Variants in ZNF800 observed in about 807,000 individuals in gnomAD.
ZNF800 encodes the protein zinc finger protein 800.
A neutral mutation model predicts 59.5 loss-of-function variants in ZNF800; 13 were observed. The observed-to-expected ratio is 0.22, with a 90% CI of 0.14 to 0.35. The LOEUF is 0.35. Among genes scored for constraint, ZNF800 ranks in the 10% least tolerant of loss-of-function variants. ZNF800 has a pLI of 1.00. For missense variants in ZNF800, 621 were observed against 783.7 expected (o/e 0.79, Z 2.48); for synonymous variants, 266 against 265.7 (o/e 1.00, Z -0.01).
intron 2 of ZNF800, among the ~76,000 whole-genome samples, chr7:127,390,833 ATTC>A (rs1394095998): frequency 6.6e-6 from 1 of 152,228 alleles, no homozygotes; most frequent in East Asian, 1.9e-4. Flanking sequence ...GTTTGCTAGT[ATTC>A]TTCATGAGAC....
At chr7:127,353,831 G>C (rs1800217391) in intron 1 of ZNF800, among the ~76,000 whole-genome samples, 1 of 97,622 alleles carries the variant, frequency 1.0e-5, no homozygotes, top group African/African-American at 3.9e-5. Context: ...TAATTGCACT[G>C]ATAGATAAGC....
intron 1 of ZNF800, 39 bp downstream of exon 1, chr7:127,392,021 C>A: frequency 2.6e-6 from 1 of 387,100 alleles, no homozygotes; most frequent in Non-Finnish European, 4.6e-6. Flanking sequence ...GTCTCCCTGG[C>A]GGAGACCCCG....
Position 127,391,489 on chromosome 7 carries a change from G to A in ZNF800, c.61+8C>T, listed in dbSNP as rs573405557. The A allele has an allele frequency of 5.4e-5, 87 of 1,614,044 alleles. 1 individual carries two copies. In the South Asian group the frequency reaches 9.2e-4, roughly 17 times the overall value. Reference sequence around the variant, plus strand: ...GGGCAAAGCAACTGCGGACGAAGAGGGGTCTACCTGGTTCACAGCATCCGT... The same window carrying A: ...GGGCAAAGCAACTGCGGACGAAGAGAGGTCTACCTGGTTCACAGCATCCGT... On this transcript the variant is annotated splice_region_variant and intron_variant, in intron 2 of 5. Coordinates refer to ENST00000265827, the MANE Select transcript of ZNF800 (RefSeq NM_176814.5).
At chr7:127,342,889 T>C (rs1799992585), downstream of ZNF800, among the ~76,000 whole-genome samples, 1 of 152,170 alleles carries the variant, frequency 6.6e-6, no homozygotes, top group African/African-American at 2.4e-5. Context: ...ATCAGCTCTT[T>C]ATTAAAGTAG....
chr7:127,363,881 G>A (rs1800446461), intron 1 of ZNF800: 1 of 152,036 alleles, frequency 6.6e-6, no homozygotes, highest in Non-Finnish European at 1.5e-5. Context: ...AGGACAAGGG[G>A]TTTTTGGCCA....
intron 2 of ZNF800, among the ~76,000 whole-genome samples, chr7:127,388,872 T>C (rs971210370): frequency 1.3e-5 from 2 of 152,118 alleles, no homozygotes; most frequent in Non-Finnish European, 2.9e-5. Context: ...TACTCTCAAC[T>C]CTAGAAAACT....
chr7:127,352,534 T>C (rs1261941150), intron 1 of ZNF800, among the ~76,000 whole-genome samples: 2 of 152,196 alleles, frequency 1.3e-5, no homozygotes, highest in African/African-American at 2.4e-5. Flanking sequence ...CTACCAGAGC[T>C]TACTGACACT....
In ZNF800 at chr7:127,386,135, C is replaced by G. The variant is rs1389243561; in HGVS notation, c.82G>C (p.Asp28His). The G allele has an allele frequency of 2.5e-6, 4 of 1,611,268 alleles. No individual in the cohort carries two copies. Among genetic ancestry groups the G allele is most frequent in the Middle Eastern group, 1.7e-4 (1 of 6,052 alleles). The change falls in exon 3 of 6, where the codon GAT becomes CAT. Residue 28 changes from aspartate (D) to histidine (H), a missense_variant. By Grantham distance (81) the Asp-to-His change is moderately conservative. Transcript: ENST00000265827. Reference sequence around the variant, plus strand: ...AGTGGTTGCTGTAACAAAGGAGGATCTCCAGGTTCCAGGATATAAACTACA... The same window carrying G: ...AGTGGTTGCTGTAACAAAGGAGGATGTCCAGGTTCCAGGATATAAACTACA... The part of the protein sequence containing the change: ...CEPVYILEPG[D>H]PPLLQQPLQT...
rs751381463 is a variant in ZNF800, at chr7:127,377,506, C to T, written c.158-177G>A. Among the ~76,000 whole-genome samples the T allele has an allele frequency of 1.3e-5, 2 of 152,018 alleles. No homozygotes were observed. Among genetic ancestry groups the T allele is most frequent in the Non-Finnish European group, 2.9e-5 (2 of 67,920 alleles). On this transcript the variant is annotated intron_variant, in intron 3 of 5. Transcript: ENST00000265827. The surrounding 1 kb of genome is among the most constrained non-coding windows in gnomAD (Gnocchi z 4.7). ...ACTAAGTTATAGACTAAATTCTAAG[C>T]AAAACCCTACTATCATTTGGAAATC...
intron 3 of ZNF800, among the ~76,000 whole-genome samples, chr7:127,384,661 C>T (rs17866000): frequency 0.042 from 6,386 of 152,134 alleles, 442 homozygotes; most frequent in African/African-American, 0.14. Flanking sequence ...AAAGCTATTG[C>T]TGTCATTTCC....
chr7:127,388,604 ATTTGT>A (rs1562911778), intron 2 of ZNF800, among the ~76,000 whole-genome samples: 1 of 152,162 alleles, frequency 6.6e-6, no homozygotes, highest in East Asian at 1.9e-4. Flanking sequence ...AATGTGTTCC[ATTTGT>A]ATAAATGTGC....
chr7:127,379,239 T>G (rs1393913403), intron 3 of ZNF800, among the ~76,000 whole-genome samples: 2 of 152,210 alleles, frequency 1.3e-5, no homozygotes, highest in Non-Finnish European at 2.9e-5. Context: ...CACAGTTAAC[T>G]TCATAAGTGA....
At position 127,374,731 on chromosome 7, in the gene ZNF800, T is replaced by C. The variant is rs761316283; in HGVS notation, c.605A>G (p.Glu202Gly). The change falls in exon 5 of 6, where the codon GAA becomes GGA. Residue 202 changes from glutamate to glycine, a missense_variant. Glu to Gly is a moderately conservative substitution (Grantham distance 98). Transcript: ENST00000265827. ...EPPPVEIVTDEVAPTSDEQPQ... is the reference protein window; with the variant it reads ...EPPPVEIVTDGVAPTSDEQPQ... Reference sequence around the variant, plus strand: ...TTGTTCATCAGATGTAGGTGCAACTTCATCTGTAACAATCTCAACAGGAGG... The same window carrying C: ...TTGTTCATCAGATGTAGGTGCAACTCCATCTGTAACAATCTCAACAGGAGG... 1 of 1,613,980 alleles carries C rather than the reference T, an allele frequency of 6.2e-7. No individual in the cohort carries two copies. Among genetic ancestry groups the C allele is most frequent in the Non-Finnish European group, 8.5e-7 (1 of 1,179,942 alleles).
At chr7:127,391,645 G>T (rs964808860) in intron 1 of ZNF800, 30 bp from the exon 2 acceptor site, 36 of 1,223,254 alleles carry the variant, frequency 2.9e-5, no homozygotes, top group African/African-American at 4.5e-5. Flanking sequence ...CCCGTCACTC[G>T]CCCTGAACTT....
At chr7:127,353,998 A>C (rs1291876675) in intron 1 of ZNF800, among the ~76,000 whole-genome samples, 1 of 152,166 alleles carries the variant, frequency 6.6e-6, no homozygotes, top group Non-Finnish European at 1.5e-5. Flanking sequence ...TGGAGATTTT[A>C]AAATTTAGAA....
chr7:127,357,101 A>AT (rs1444481274), intron 1 of ZNF800, among the ~76,000 whole-genome samples: 4 of 152,098 alleles, frequency 2.6e-5, no homozygotes, highest in Non-Finnish European at 5.9e-5. Context: ...GCATACCCTC[A>AT]TAAGTACCCA....
intron 2 of ZNF800, among the ~76,000 whole-genome samples, chr7:127,390,990 T>C (rs1801294656): frequency 6.6e-6 from 1 of 152,218 alleles, no homozygotes; most frequent in Non-Finnish European, 1.5e-5. Flanking sequence ...CCCAAGATAT[T>C]TTTTTAAAGG....
chr7:127,350,590 T>TAACA (rs1192675134), intron 1 of ZNF800: 3 of 151,872 alleles, frequency 2.0e-5, no homozygotes, highest in Non-Finnish European at 4.4e-5. Flanking sequence ...CTGCACACTG[T>TAACA]AACACCAAAT....
chr7:127,356,036 CATTG>C, intron 1 of ZNF800, among the ~76,000 whole-genome samples: 1 of 151,970 alleles, frequency 6.6e-6, no homozygotes, highest in South Asian at 2.1e-4. Flanking sequence ...TTTACTTTGC[CATTG>C]ATTAAGTTTG....
Sources: gnomAD v4.1 joint callset for allele counts (sites outside exome capture counted in the v4.1 genomes callset) on GRCh38, gnomAD v4.1.1 for gene constraint, Gnocchi (gnomAD v3.1) non-coding constraint, MANE v1.5 for transcripts, NCBI Gene and HGNC (gene_info 2026-07-23, HGNC 2026-07-21) for gene names.